Variants in GPR179 observed in about 807,000 individuals in gnomAD.
The protein encoded by GPR179 is probable G protein-coupled receptor 179.
GPR179 carries 52 observed loss-of-function variants against 70.8 expected under a neutral mutation model. That is an observed-to-expected ratio of 0.73 (90% CI 0.59 to 0.93). GPR179 has a LOEUF of 0.93. Among genes scored for constraint, GPR179 ranks in the 40% least tolerant of loss-of-function variants. The pLI, the probability that GPR179 is intolerant of heterozygous loss-of-function variation, is 0.00. For synonymous variants in GPR179, 1,123 were observed against 1,169.0 expected (o/e 0.96, Z 0.80); for missense variants, 2,734 against 2,966.8 (o/e 0.92, Z 1.82).
Position 38,334,059 on chromosome 17 carries a change from A to C in GPR179, c.1785-21T>G, listed in dbSNP as rs780506613. 1 of 1,534,652 alleles carries C rather than the reference A, an allele frequency of 6.5e-7. No homozygotes were observed. The highest frequency in any genetic ancestry group is 2.2e-5 in the East Asian group (1 of 44,494). ...CAAACCTGGGGCGGGATAGGGGCGC[A>C]GGTCATTACTGCAGGCAGGAGTTGC... On this transcript the variant is annotated intron_variant, in intron 8 of 10. Transcript: ENST00000616987. The surrounding 1 kb of genome is among the most constrained non-coding windows in gnomAD (Gnocchi z 4.7).
At position 38,337,648 on chromosome 17, in the gene GPR179, C is replaced by T. The variant is rs201963254; in HGVS notation, c.976G>A (p.Ala326Thr). 1.2e-4 allele frequency: 190 copies of T among 1,607,994 alleles called. 1 individual carries two copies. The African/African-American group carries it at 2.2e-3, about 18-fold the overall frequency. ...LCRCRPGFYG[A>T]SPSGGLEESD... ...ACTTACATACCCCCAGAGGGGCTTG[C>T]CCCGTAGAATCCAGGTCGGCAGCGG... Residue 326 changes from alanine to threonine, a missense_variant, in exon 3 of 11, where the codon GCA becomes ACA. Ala to Thr is a moderately conservative substitution (Grantham distance 58, BLOSUM62 0). Coordinates refer to ENST00000616987, the MANE Select transcript of GPR179 (RefSeq NM_001004334.4).
chr17:38,337,783 C>T, intron 2 of GPR179, 63 bp from the exon 3 acceptor site: 1 of 1,445,120 alleles, frequency 6.9e-7, no homozygotes, highest in Non-Finnish European at 9.7e-7. Flanking sequence ...GCTTTCCCTC[C>T]TGGGAGAGAT....
At chr17:38,342,503 C>G (rs540963612) in intron 1 of GPR179, among the ~76,000 whole-genome samples, 1 of 152,112 alleles carries the variant, frequency 6.6e-6, no homozygotes, top group African/African-American at 2.4e-5. Flanking sequence ...CCACACCCAG[C>G]TAATTTTGTA....
At chr17:38,333,536 G>C in intron 9 of GPR179, 139 bp from the exon 10 acceptor site, 1 of 911,826 alleles carries the variant, frequency 1.1e-6, no homozygotes, top group Non-Finnish European at 1.6e-6. Context: ...GGGATCTTTA[G>C]AGTTTTACTC....
chr17:38,336,809 T>G (rs936161560), intron 4 of GPR179, among the ~76,000 whole-genome samples, 169 bp downstream of exon 4: 1 of 152,194 alleles, frequency 6.6e-6, no homozygotes, highest in African/African-American at 2.4e-5. Context: ...ATTTTACAGA[T>G]GAGGAAGCAG....
Position 38,335,112 on chromosome 17 carries a change from C to A in GPR179, c.1566G>T (p.Leu522=). 1 of 1,610,576 alleles carries A rather than the reference C, an allele frequency of 6.2e-7. No individual in the cohort carries two copies. The highest frequency in any genetic ancestry group is 8.5e-7 in the Non-Finnish European group (1 of 1,178,642). The change falls in exon 7 of 11, where the codon CTG becomes CTT. Residue 522 remains leucine (L), a synonymous_variant. Transcript: ENST00000616987. ...CACTGGGAGTGTGGCCTCGGATCAC[C>A]AGAGGTGCGTGCTGGATGCCTCGCT... ...ALERGIQHAP[L]VIRGHTPSGR...
Position 38,331,137 on chromosome 17 carries a change from G to A in GPR179, c.2432C>T (p.Pro811Leu), listed in dbSNP as rs748493502. The A allele has an allele frequency of 6.2e-7, 1 of 1,605,064 alleles. No individual in the cohort carries two copies. Among genetic ancestry groups the A allele is most frequent in the Non-Finnish European group, 8.5e-7 (1 of 1,179,684 alleles). Reference protein sequence around the residue: ...TESRESVEGPPALGFRSASAH... With the variant: ...TESRESVEGPLALGFRSASAH... ...GCTGGCTGACCTGAAGCCCAGGGCA[G>A]GGGGCCCCTCCACCGACTCCCGGCT... Residue 811 changes from proline (P) to leucine (L), a missense_variant, in exon 11 of 11, where the codon CCT becomes CTT. By Grantham distance (98) the Pro-to-Leu change is moderately conservative (BLOSUM62 -3). Transcript: ENST00000616987.
chr17:38,339,023 C>G (rs2037428126), intron 2 of GPR179, among the ~76,000 whole-genome samples: 1 of 152,152 alleles, frequency 6.6e-6, no homozygotes, highest in African/African-American at 2.4e-5. Flanking sequence ...ATGGAACATC[C>G]TTTGTGGGCC....
Position 38,330,070 on chromosome 17 carries a change from C to T in GPR179, c.3499G>A (p.Val1167Ile). The change falls in exon 11 of 11, where the codon GTC becomes ATC. Residue 1167 changes from valine (V) to isoleucine (I), a missense_variant. Physicochemically the swap from Val to Ile is conservative, Grantham distance 29. Transcript: ENST00000616987. ...QNAHTSRMLQ[V>I]CQREGSREQE... ...TCCCTGCTGCCCTCCCGTTGACAGA[C>T]TTGGAGCATCCTGCTGGTGTGAGCG... 1.2e-6 allele frequency: 2 copies of T among 1,614,176 alleles called. No homozygotes were observed. The highest frequency in any genetic ancestry group is 2.2e-5 in the South Asian group (2 of 91,080).
Position 38,327,209 on chromosome 17 carries a change from T to C in GPR179, c.6360A>G (p.Val2120=), listed in dbSNP as rs756193323. Reference sequence around the variant, plus strand: ...CTGCTTTCTTGGCAGAGGGAGCCTCTACCACTTCCCACAGACACACTTCCG... The same window carrying C: ...CTGCTTTCTTGGCAGAGGGAGCCTCCACCACTTCCCACAGACACACTTCCG... ...RVAEVCLWEV[V]EAPSAKKAEI... is the part of the protein sequence containing the mutation. The change falls in exon 11 of 11, where the codon GTA becomes GTG. Residue 2120 remains valine, a synonymous_variant. Transcript: ENST00000616987. 1 of 1,614,230 alleles carries C rather than the reference T, an allele frequency of 6.2e-7. No individual in the cohort carries two copies. Among genetic ancestry groups the C allele is most frequent in the South Asian group, 1.1e-5 (1 of 91,084 alleles).
chr17:38,335,783 C>G, intron 5 of GPR179, 83 bp from the exon 6 acceptor site: 1 of 869,736 alleles, frequency 1.1e-6, no homozygotes, highest in Non-Finnish European at 1.9e-6. Flanking sequence ...TGTGGATCCT[C>G]CCAACAGCCC....
In GPR179 at chr17:38,330,953, C is replaced by T. The variant is rs1384045917; in HGVS notation, c.2616G>A (p.Arg872=). 4 of 1,610,888 alleles carry T rather than the reference C, an allele frequency of 2.5e-6. No individual in the cohort carries two copies. In the South Asian group the frequency reaches 4.4e-5, roughly 18 times the overall value. ...TYRQAKEREE[R]KKAKAAMASL... ...TGGCCATGGCTGCCTTGGCCTTCTT[C>T]CGCTCCTCCCGCTCCTTTGCTTGCC... Residue 872 remains arginine, a synonymous_variant, in exon 11 of 11, where the codon CGG becomes CGA. Coordinates refer to ENST00000616987, the MANE Select transcript of GPR179 (RefSeq NM_001004334.4).
At chr17:38,335,844 C>T in intron 5 of GPR179, 144 bp from the exon 6 acceptor site, 1 of 679,242 alleles carries the variant, frequency 1.5e-6, no homozygotes, top group East Asian at 2.7e-5. Flanking sequence ...GCTGAAGTGT[C>T]AAAGAAGTTA....
At position 38,331,331 on chromosome 17, in the gene GPR179, C is replaced by G; in HGVS notation, c.2238G>C (p.Leu746=). 1 of 1,609,242 alleles carries G rather than the reference C, an allele frequency of 6.2e-7. No individual in the cohort carries two copies. Among genetic ancestry groups the G allele is most frequent in the African/African-American group, 1.3e-5 (1 of 74,960 alleles). The change falls in exon 11 of 11, where the codon CTG becomes CTC. Residue 746 remains leucine (L), a synonymous_variant. Transcript: ENST00000616987. The part of the protein sequence containing the change: ...RDSGSPGHGS[L]PGSSRRRLLS... ...GGAGCCGGCGGCGGGAGGAGCCGGG[C>G]AGGCTGCCGTGGCCTGGGGATCCTG...
intron 6 of GPR179, 24 bp downstream of exon 6, chr17:38,335,567 A>G: frequency 6.5e-7 from 1 of 1,528,622 alleles, no homozygotes; most frequent in Non-Finnish European, 9.1e-7. Context: ...GCAGCATGAG[A>G]GCAAAGTCTG....
chr17:38,329,404 C>T lies in GPR179; in HGVS notation c.4165G>A (p.Gly1389Ser), dbSNP rs759830603. The part of the protein sequence containing the change: ...EPCPWEASEG[G>S]EDGKPAQEAV... ...TCTTGGGCTGGTTTCCCATCCTCGCCTCCTTCACTTGCCTCCCAGGGACAC... is the reference window on the plus strand; with the variant it reads ...TCTTGGGCTGGTTTCCCATCCTCGCTTCCTTCACTTGCCTCCCAGGGACAC... The change falls in exon 11 of 11, where the codon GGC (glycine) becomes AGC (serine). Residue 1389 changes from glycine to serine, a missense_variant. Physicochemically the swap from Gly to Ser is moderately conservative, Grantham distance 56. Coordinates refer to ENST00000616987, the MANE Select transcript of GPR179 (RefSeq NM_001004334.4). The T allele has an allele frequency of 6.2e-7, 1 of 1,613,984 alleles. No homozygotes were observed. The highest frequency in any genetic ancestry group is 8.5e-7 in the Non-Finnish European group (1 of 1,180,000).
chr17:38,333,179 C>A, intron 10 of GPR179, 72 bp downstream of exon 10: 1 of 1,431,038 alleles, frequency 7.0e-7, no homozygotes, highest in South Asian at 1.2e-5. Flanking sequence ...GCCCAGGTGG[C>A]AGGGCCCAGT....
intron 1 of GPR179, among the ~76,000 whole-genome samples, chr17:38,340,824 A>C (rs1333811395): frequency 2.6e-5 from 4 of 152,216 alleles, no homozygotes; most frequent in Non-Finnish European, 5.9e-5. Context: ...AGGCTGAGGC[A>C]GGAGAATCGC....
intron 9 of GPR179, 101 bp downstream of exon 9, chr17:38,333,832 C>T (rs1167725401): frequency 4.7e-6 from 4 of 851,272 alleles, no homozygotes; most frequent in Non-Finnish European, 5.6e-6. Flanking sequence ...CTTCTGTCGT[C>T]CTCACCCTGG....
Sources: gnomAD v4.1 joint callset for allele counts (sites outside exome capture counted in the v4.1 genomes callset) on GRCh38, gnomAD v4.1.1 for gene constraint, Gnocchi (gnomAD v3.1) non-coding constraint, MANE v1.5 for transcripts, NCBI Gene and HGNC (gene_info 2026-07-23, HGNC 2026-07-21) for gene names.